The following TMEM167A variants were observed in gnomAD, a reference collection of about 807,000 sequenced individuals.
TMEM167A encodes protein kish-A.
Under a neutral mutation model 11.6 loss-of-function variants are expected in TMEM167A, and 8 were observed. The ratio of observed to expected loss-of-function variants is 0.69; its 90% confidence interval spans 0.40 to 1.24. The LOEUF (loss-of-function observed/expected upper bound fraction) is 1.24. Ranked by LOEUF, TMEM167A falls within the 50% of genes most tolerant of loss-of-function variation. The pLI, the probability that TMEM167A is intolerant of heterozygous loss-of-function variation, is 0.01. For missense variants in TMEM167A, 62 were observed against 87.0 expected, an observed-to-expected ratio of 0.71 and a Z score of 1.14; for synonymous variants, 22 against 28.0, an observed-to-expected ratio of 0.79 and a Z score of 0.67.
At chr5:83,062,279 T>C (rs1421418201) in intron 2 of TMEM167A, among the ~76,000 whole-genome samples, 1 of 152,194 alleles carries the variant, frequency 6.6e-6, no homozygotes, top group African/African-American at 2.4e-5. Context: ...TTTGATAAAA[T>C]GTTAAATGAA....
chr5:83,070,382 T>C (rs1744542647), intron 1 of TMEM167A, among the ~76,000 whole-genome samples: 1 of 152,198 alleles, frequency 6.6e-6, no homozygotes, highest in Admixed American at 6.5e-5. Flanking sequence ...CTCTGCATTG[T>C]AGACTTATCT....
At chr5:83,066,909 C>G (rs944441894) in intron 1 of TMEM167A, among the ~76,000 whole-genome samples, 3 of 152,152 alleles carry the variant, frequency 2.0e-5, no homozygotes, top group East Asian at 3.9e-4. Flanking sequence ...TCCTTTTCAC[C>G]AGGTCTGTTT....
intron 3 of TMEM167A, among the ~76,000 whole-genome samples, chr5:83,060,265 T>A (rs1262645207): frequency 6.6e-6 from 1 of 151,874 alleles, no homozygotes; most frequent in East Asian, 1.9e-4. Context: ...TAGGCTGTTG[T>A]CAGACTGGCT....
chr5:83,061,502 G>A (rs72765386), intron 3 of TMEM167A, among the ~76,000 whole-genome samples: 48,142 of 151,990 alleles, frequency 0.32, 8,894 homozygotes, highest in Non-Finnish European at 0.42. Flanking sequence ...TTCGCCTCTC[G>A]GGTTCAAGAG....
chr5:83,064,459 G>C (rs962419190), intron 2 of TMEM167A: 9 of 418,906 alleles, frequency 2.1e-5, no homozygotes, highest in African/African-American at 1.9e-4. Context: ...CATTATATTA[G>C]AATTCCAATA....
intron 1 of TMEM167A, among the ~76,000 whole-genome samples, chr5:83,076,077 A>T (rs1204207797): frequency 6.6e-6 from 1 of 152,216 alleles, no homozygotes; most frequent in Non-Finnish European, 1.5e-5. Context: ...CGATAACAGC[A>T]TGAAGATTTC....
chr5:83,057,046 CA>C lies in TMEM167A; in HGVS notation c.*37del. Reference sequence around the variant, plus strand: ...TCTGCAGTCAGTCCTTGTTCACAATCAAATCTGATGGCAACTACATTCTGGC... The same window carrying C: ...TCTGCAGTCAGTCCTTGTTCACAATCAATCTGATGGCAACTACATTCTGGC... On this transcript the variant is annotated 3_prime_UTR_variant, in exon 4 of 4. Transcript: ENST00000502346. 1.3e-6 allele frequency: 2 copies of C among 1,587,184 alleles called. No homozygotes were observed. The highest frequency in any genetic ancestry group is 8.6e-7 in the Non-Finnish European group (1 of 1,158,180).
In TMEM167A at chr5:83,056,522, C is replaced by G. The variant is rs1324432733; in HGVS notation, c.*562G>C. The G allele has an allele frequency of 6.5e-6, 1 of 152,864 alleles. No homozygotes were observed. Among genetic ancestry groups the G allele is most frequent in the Non-Finnish European group, 1.5e-5 (1 of 68,608 alleles). The allele number at this position is 152,864 out of a possible 1,614,324, so 9.5% of individuals were successfully genotyped here. On this transcript the variant is annotated 3_prime_UTR_variant, in exon 4 of 4. Coordinates refer to ENST00000502346, the MANE Select transcript of TMEM167A (RefSeq NM_174909.5). ...TCTCATTTACCTTCGTCCTTAAGAA[C>G]TGCATAAGCTTGTTTTAAATATTTT...
intron 1 of TMEM167A, among the ~76,000 whole-genome samples, chr5:83,070,209 A>T (rs1029396371): frequency 6.6e-6 from 1 of 152,098 alleles, no homozygotes; most frequent in Non-Finnish European, 1.5e-5. Flanking sequence ...TTAATTCTTA[A>T]GAGATATACA....
In TMEM167A at chr5:83,055,569, A is replaced by AAAACC. The variant is rs1744316966; in HGVS notation, c.*1510_*1514dup. ...ATAGACATGCCAAAAATATAAAACC[A>AAAACC]AAACCAAACCAAAACAAACAAACAA... On this transcript the variant is annotated 3_prime_UTR_variant, in exon 4 of 4. Transcript: ENST00000502346. 6.6e-6 allele frequency: 1 copy of AAAACC among 152,026 alleles called. No homozygotes were observed. Among genetic ancestry groups the AAAACC allele is most frequent in the Non-Finnish European group, 1.5e-5 (1 of 67,944 alleles). The allele number at this position is 152,026 out of a possible 1,614,324, so 9.4% of individuals were successfully genotyped here.
At chr5:83,064,945 G>A in intron 2 of TMEM167A, 63 bp downstream of exon 2, 1 of 962,792 alleles carries the variant, frequency 1.0e-6, no homozygotes, top group Non-Finnish European at 1.6e-6. Context: ...TAATTTATAT[G>A]TTAACTTACA....
At position 83,065,125 on chromosome 5, in the gene TMEM167A, G is replaced by T. The variant is rs757273127; in HGVS notation, c.4-8C>A. The T allele has an allele frequency of 4.7e-6, 5 of 1,072,768 alleles. No homozygotes were observed. The highest frequency in any genetic ancestry group is 5.1e-6 in the Non-Finnish European group (4 of 791,900). The allele number at this position is 1,072,768 out of a possible 1,614,324, so 66.5% of individuals were successfully genotyped here. A position where few individuals can be genotyped will look rare whatever the true frequency, so the allele number is the denominator to read the frequency against. Reference sequence around the variant, plus strand: ...AAAATTGAAAATGGCAGACTAAAAAGAAAAAAAAAAAAGAAAAATTAATAT... The same window carrying T: ...AAAATTGAAAATGGCAGACTAAAAATAAAAAAAAAAAAGAAAAATTAATAT... On this transcript the variant is annotated splice_region_variant and splice_polypyrimidine_tract_variant and intron_variant, in intron 1 of 3. Transcript: ENST00000502346.
At position 83,077,306 on chromosome 5, in the gene TMEM167A, A is replaced by T. The variant is rs372737091; in HGVS notation, c.3+15T>A. On this transcript the variant is annotated intron_variant, in intron 1 of 3. Transcript: ENST00000502346. Reference sequence around the variant, plus strand: ...TCTCGAAGATCAACCGCGACCTGGGAGCCCCACTTCTTACCATAGCGAGGC... The same window carrying T: ...TCTCGAAGATCAACCGCGACCTGGGTGCCCCACTTCTTACCATAGCGAGGC... 1.2e-6 allele frequency: 2 copies of T among 1,614,016 alleles called. No homozygotes were observed. Among genetic ancestry groups the T allele is most frequent in the Non-Finnish European group, 1.7e-6 (2 of 1,180,024 alleles).
rs1744300717 is a variant in TMEM167A, at chr5:83,054,468, C to T, written c.*2616G>A. 2 of 152,032 alleles carry T rather than the reference C, an allele frequency of 1.3e-5. No homozygotes were observed. The highest frequency in any genetic ancestry group is 2.4e-5 in the African/African-American group (1 of 41,414). The allele number at this position is 152,032 out of a possible 1,614,324, so 9.4% of individuals were successfully genotyped here. A position where few individuals can be genotyped will look rare whatever the true frequency, so the allele number is the denominator to read the frequency against. On this transcript the variant is annotated 3_prime_UTR_variant, in exon 4 of 4. Coordinates refer to ENST00000502346, the MANE Select transcript of TMEM167A (RefSeq NM_174909.5). Reference sequence around the variant, plus strand: ...AAGGAGGCTAGGGAGAGCAACTGAACTTAGCAAGCTGAGGACTTCAGTGTC... The same window carrying T: ...AAGGAGGCTAGGGAGAGCAACTGAATTTAGCAAGCTGAGGACTTCAGTGTC...
At chr5:83,074,963 T>TTTC (rs1744619550) in intron 1 of TMEM167A, among the ~76,000 whole-genome samples, 1 of 151,980 alleles carries the variant, frequency 6.6e-6, no homozygotes, top group Admixed American at 6.6e-5. Flanking sequence ...AGAGATGGGG[T>TTTC]TTCTCCACAC....
rs1269268496 is a variant in TMEM167A, at chr5:83,055,402, T to C, written c.*1682A>G. The C allele has an allele frequency of 6.6e-6, 1 of 151,960 alleles. No individual in the cohort carries two copies. Among genetic ancestry groups the C allele is most frequent in the Non-Finnish European group, 1.5e-5 (1 of 67,942 alleles). The allele number at this position is 151,960 out of a possible 1,614,324, so 9.4% of individuals were successfully genotyped here. A position where few individuals can be genotyped will look rare whatever the true frequency, so the allele number is the denominator to read the frequency against. ...AGCCAGAAAGGTGACTTACTCAGCA[T>C]GCATACACTGACAAGAATCCTATTT... On this transcript the variant is annotated 3_prime_UTR_variant, in exon 4 of 4. Transcript: ENST00000502346.
intron 1 of TMEM167A, among the ~76,000 whole-genome samples, chr5:83,065,824 A>G (rs113755390): frequency 2.6e-3 from 391 of 152,318 alleles, no homozygotes; most frequent in African/African-American, 8.6e-3. Flanking sequence ...ATAAGAAACC[A>G]TAAGTTTCAT....
intron 1 of TMEM167A, among the ~76,000 whole-genome samples, chr5:83,075,542 C>T (rs768805325): frequency 3.3e-5 from 5 of 151,930 alleles, no homozygotes; most frequent in African/African-American, 7.2e-5. Context: ...GTCAAGAGAT[C>T]GAGACCATCT....
intron 1 of TMEM167A, among the ~76,000 whole-genome samples, chr5:83,065,806 CAA>C (rs1439873620): frequency 2.0e-5 from 3 of 152,040 alleles, no homozygotes; most frequent in African/African-American, 7.2e-5. Context: ...AAATTTAACA[CAA>C]GAGTCATAAG....
Sources: allele counts gnomAD v4.1 joint callset (sites outside exome capture counted in the v4.1 genomes callset), GRCh38; gene constraint gnomAD v4.1.1; transcripts MANE v1.5; gene names NCBI Gene and HGNC (gene_info 2026-07-23, HGNC 2026-07-21).